Variants in PARD3 observed in about 807,000 individuals in gnomAD.
PARD3 encodes the protein partitioning defective 3 homolog.
PARD3 carries 75 observed loss-of-function variants against 155.4 expected under a neutral mutation model. The observed-to-expected ratio is 0.48, with a 90% CI of 0.40 to 0.58. The LOEUF is 0.58. Among genes scored for constraint, PARD3 ranks in the 20% least tolerant of loss-of-function variants. The pLI, the probability that PARD3 is intolerant of heterozygous loss-of-function variation, is 0.00. For missense variants in PARD3, 1,642 were observed against 1,721.7 expected, an observed-to-expected ratio of 0.95 and a Z score of 0.82; for synonymous variants, 576 against 610.5, an observed-to-expected ratio of 0.94 and a Z score of 0.83.
intron 3 of PARD3, among the ~76,000 whole-genome samples, chr10:34,476,089 G>A (rs2133138872): frequency 6.6e-6 from 1 of 151,924 alleles, no homozygotes; most frequent in South Asian, 2.1e-4. Context: ...AGGAGTTCAA[G>A]GCCAAGCTGG....
intron 7 of PARD3, among the ~76,000 whole-genome samples, chr10:34,398,318 T>A (rs1843543742): frequency 6.6e-6 from 1 of 152,172 alleles, no homozygotes; most frequent in Admixed American, 6.5e-5. Flanking sequence ...ATCCCACACA[T>A]CTATCTTCTA....
At chr10:34,407,522 G>A (rs1844617358) in intron 5 of PARD3, among the ~76,000 whole-genome samples, 2 of 152,234 alleles carry the variant, frequency 1.3e-5, no homozygotes, top group Non-Finnish European at 2.9e-5. Context: ...GTCGTAAGCT[G>A]CTGCTCCTCA....
chr10:34,199,260 C>T (rs1478671168), intron 22 of PARD3, among the ~76,000 whole-genome samples: 2 of 152,164 alleles, frequency 1.3e-5, no homozygotes, highest in Non-Finnish European at 2.9e-5. Context: ...TTGAGCATAT[C>T]TTCCTGTCTC....
chr10:34,181,520 G>T (rs2133198636), intron 22 of PARD3, among the ~76,000 whole-genome samples: 1 of 152,268 alleles, frequency 6.6e-6, no homozygotes, highest in South Asian at 2.1e-4. Context: ...CATAAAGGAT[G>T]CTTTCAAAAG....
chr10:34,622,769 G>A (rs1008401236), intron 2 of PARD3, among the ~76,000 whole-genome samples: 1 of 150,644 alleles, frequency 6.6e-6, no homozygotes, highest in Non-Finnish European at 1.5e-5. Context: ...TAATAGAGGT[G>A]TCTACAGGAA....
intron 1 of PARD3, among the ~76,000 whole-genome samples, chr10:34,753,507 T>C (rs1407598359): frequency 6.6e-6 from 1 of 152,246 alleles, no homozygotes; most frequent in African/African-American, 2.4e-5. Context: ...CCTTGCCACA[T>C]GGACAACACA....
At chr10:34,112,242 T>C (rs1025083322) in intron 24 of PARD3, among the ~76,000 whole-genome samples, 2 of 152,210 alleles carry the variant, frequency 1.3e-5, no homozygotes, top group Non-Finnish European at 2.9e-5. Flanking sequence ...TATTTTCTTA[T>C]ACATTTACCT....
chr10:34,319,078 CTTT>C (rs34948436), intron 19 of PARD3, among the ~76,000 whole-genome samples: 13 of 114,608 alleles, frequency 1.1e-4, no homozygotes, highest in East Asian at 8.0e-4. Context: ...TGCACCCAGA[CTTT>C]TTTTTTTTTT....
intron 22 of PARD3, among the ~76,000 whole-genome samples, chr10:34,187,202 C>T (rs1040259441): frequency 2.6e-5 from 4 of 152,146 alleles, no homozygotes; most frequent in Admixed American, 6.6e-5. Context: ...AATGCCTTCA[C>T]GTTTTACCAT....
At chr10:34,300,484 A>G (rs1564561672) in intron 20 of PARD3, among the ~76,000 whole-genome samples, 1 of 152,178 alleles carries the variant, frequency 6.6e-6, no homozygotes, top group Admixed American at 6.5e-5. Context: ...GTGAGAAACC[A>G]TCTCTACAAA....
intron 22 of PARD3, among the ~76,000 whole-genome samples, chr10:34,137,447 C>A (rs560712253): frequency 6.6e-5 from 10 of 152,328 alleles, no homozygotes; most frequent in African/African-American, 2.4e-4. Context: ...GAGGGAGACC[C>A]TGAGCAGAGG....
intron 3 of PARD3, among the ~76,000 whole-genome samples, chr10:34,514,560 T>G (rs1229537039): frequency 6.6e-6 from 1 of 152,224 alleles, no homozygotes; most frequent in Non-Finnish European, 1.5e-5. Context: ...CTTAACCCAA[T>G]GCCTGCCAAG....
intron 2 of PARD3, among the ~76,000 whole-genome samples, chr10:34,590,735 AAAG>A (rs1353643294): frequency 1.3e-4 from 20 of 152,300 alleles, no homozygotes; most frequent in African/African-American, 4.8e-4. Context: ...ATGGTTCCTA[AAAG>A]AAGAACTGGA....
chr10:34,519,885 A>C (rs370900161), intron 2 of PARD3, among the ~76,000 whole-genome samples: 142 of 106,708 alleles, frequency 1.3e-3, no homozygotes, highest in African/African-American at 4.0e-3. Context: ...CATAACATAA[A>C]AATAGAAAAT....
intron 20 of PARD3, among the ~76,000 whole-genome samples, chr10:34,310,107 T>C (rs553654372): frequency 3.9e-5 from 6 of 152,294 alleles, no homozygotes; most frequent in African/African-American, 1.4e-4. Flanking sequence ...ATTACCTTTA[T>C]ATACTAATTT....
chr10:34,782,782 A>G (rs12257846), intron 1 of PARD3, among the ~76,000 whole-genome samples: 3,256 of 149,850 alleles, frequency 0.022, 115 homozygotes, highest in African/African-American at 0.077. Flanking sequence ...GCTAGAGTGT[A>G]GTGGCGTGAT....
rs146750350 is a variant in PARD3 at position 34,329,928 on chromosome 10, T to C, written c.2833+1189A>G. Among the ~76,000 whole-genome samples, 70 of 152,280 alleles carry C rather than the reference T, an allele frequency of 4.6e-4. No homozygotes were observed. In the East Asian group the frequency reaches 5.2e-3, roughly 11 times the overall value. ...AACGTATATATACATATACATTATATGTATATGTATATATTCTCAAAATGT... is the reference window on the plus strand; with the variant it reads ...AACGTATATATACATATACATTATACGTATATGTATATATTCTCAAAATGT... On this transcript the variant is annotated intron_variant, in intron 19 of 24. Transcript: ENST00000374788.
intron 1 of PARD3, among the ~76,000 whole-genome samples, chr10:34,710,854 G>C (rs1178524914): frequency 6.6e-6 from 1 of 152,170 alleles, no homozygotes; most frequent in African/African-American, 2.4e-5. Context: ...TACCCAAATT[G>C]TATGTATCTT....
chr10:34,723,124 C>T (rs959854518), intron 1 of PARD3, among the ~76,000 whole-genome samples: 12 of 151,984 alleles, frequency 7.9e-5, no homozygotes, highest in African/African-American at 2.7e-4. Flanking sequence ...TGGGAGATCA[C>T]CTGAGCTCAG....
Sources: allele counts gnomAD v4.1 joint callset (sites outside exome capture counted in the v4.1 genomes callset), GRCh38; gene constraint gnomAD v4.1.1; transcripts MANE v1.5; gene names NCBI Gene and HGNC (gene_info 2026-07-23, HGNC 2026-07-21).